The following VPS50 variants were observed in gnomAD, a reference collection of about 807,000 sequenced individuals.
VPS50 encodes syndetin.
VPS50 carries 70 observed loss-of-function variants against 139.7 expected under a neutral mutation model. The observed-to-expected ratio is 0.50, with a 90% CI of 0.41 to 0.61. VPS50 has a LOEUF of 0.61. VPS50 is among the 20% of genes least tolerant of loss of function. The pLI is 0.00. For missense variants in VPS50, 921 were observed against 1,133.7 expected (o/e 0.81, Z 2.69); for synonymous variants, 365 against 376.7 (o/e 0.97, Z 0.36).
At position 93,256,514 on chromosome 7, in the gene VPS50, TA is replaced by T. The variant is rs746677785; in HGVS notation, c.309del (p.Val104TrpfsTer4). ...KLKQQQAAVS[K>X]KVADLILEKQ... is the part of the protein sequence containing the mutation. ...TTGATTACATCTTCTTATAGGTATCTAAAAAAGTGGCAGATTTAATCCTTGA... is the reference window on the plus strand; with the variant it reads ...TTGATTACATCTTCTTATAGGTATCTAAAAAGTGGCAGATTTAATCCTTGA... On this transcript the variant is annotated frameshift_variant, in exon 5 of 28. Coordinates refer to ENST00000305866, the MANE Select transcript of VPS50 (RefSeq NM_017667.4). LOFTEE classifies it high-confidence loss of function. The T allele has an allele frequency of 3.5e-6, 5 of 1,416,294 alleles. No homozygotes were observed. The highest frequency in any genetic ancestry group is 3.8e-6 in the Non-Finnish European group (4 of 1,051,638). The allele number at this position is 1,416,294 out of a possible 1,614,324, so 87.7% of individuals were successfully genotyped here.
intron 16 of VPS50, among the ~76,000 whole-genome samples, chr7:93,302,147 T>G (rs565495288): frequency 1.7e-4 from 26 of 152,210 alleles, no homozygotes; most frequent in Non-Finnish European, 2.8e-4. Flanking sequence ...TTTCTACTTT[T>G]AGTTCTTACC....
At chr7:93,357,528 G>A (rs1798740999) in intron 27 of VPS50, among the ~76,000 whole-genome samples, 1 of 152,162 alleles carries the variant, frequency 6.6e-6, no homozygotes, top group Admixed American at 6.6e-5. Context: ...CACAAGCTGA[G>A]CAGTTTGCCA....
chr7:93,299,136 C>T (rs1172743852), intron 16 of VPS50, among the ~76,000 whole-genome samples: 1 of 152,140 alleles, frequency 6.6e-6, no homozygotes, highest in African/African-American at 2.4e-5. Flanking sequence ...AGTCTAGTTT[C>T]TATCCTGTCT....
At chr7:93,346,697 C>G (rs1271089759) in intron 23 of VPS50, among the ~76,000 whole-genome samples, 3 of 150,022 alleles carry the variant, frequency 2.0e-5, no homozygotes, top group Non-Finnish European at 4.4e-5. Flanking sequence ...TGATCTTTGA[C>G]AAACCTGAGA....
At chr7:93,315,259 T>C (rs17711196) in intron 20 of VPS50, among the ~76,000 whole-genome samples, 2,398 of 152,314 alleles carry the variant, frequency 0.016, 31 homozygotes, top group Middle Eastern at 0.027. Context: ...TTTTTTCCTA[T>C]TGTATAGATG....
At chr7:93,257,999 G>C (rs1037990042) in intron 6 of VPS50, 160 bp from the exon 7 acceptor site, 1 of 548,206 alleles carries the variant, frequency 1.8e-6, no homozygotes, top group Non-Finnish European at 3.2e-6. Flanking sequence ...AGTAATGCTG[G>C]TTTAGACTGG....
At chr7:93,346,765 T>C (rs1178691331) in intron 23 of VPS50, among the ~76,000 whole-genome samples, 2 of 137,426 alleles carry the variant, frequency 1.5e-5, no homozygotes. Context: ...GAAAACTGGC[T>C]AGCCATATGT....
intron 12 of VPS50, among the ~76,000 whole-genome samples, chr7:93,285,021 C>A (rs1796441836): frequency 6.6e-6 from 1 of 152,178 alleles, no homozygotes; most frequent in Non-Finnish European, 1.5e-5. Flanking sequence ...GTTTTCAACT[C>A]CCTGGGCCTG....
intron 12 of VPS50, among the ~76,000 whole-genome samples, chr7:93,288,523 A>C (rs1369315278): frequency 6.6e-6 from 1 of 152,150 alleles, no homozygotes; most frequent in Non-Finnish European, 1.5e-5. Flanking sequence ...GTTGAAGAAA[A>C]AATACACACG....
At chr7:93,311,631 T>C (rs1797270555) in intron 20 of VPS50, among the ~76,000 whole-genome samples, 1 of 152,160 alleles carries the variant, frequency 6.6e-6, no homozygotes, top group Non-Finnish European at 1.5e-5. Context: ...AGTTGTTTCA[T>C]AGGTCTTTAC....
At chr7:93,249,843 A>G (rs76718914) in intron 2 of VPS50, among the ~76,000 whole-genome samples, 2,029 of 152,114 alleles carry the variant, frequency 0.013, 42 homozygotes, top group African/African-American at 0.047. Context: ...TCATATTTCA[A>G]TTGGATGCAT....
chr7:93,289,023 G>A (rs1796573337), intron 12 of VPS50, among the ~76,000 whole-genome samples: 1 of 151,980 alleles, frequency 6.6e-6, no homozygotes, highest in Non-Finnish European at 1.5e-5. Context: ...GGCCGGCATT[G>A]TAAGGTGGGG....
chr7:93,243,052 C>T (rs901668301), intron 2 of VPS50, among the ~76,000 whole-genome samples: 1 of 151,828 alleles, frequency 6.6e-6, no homozygotes, highest in Admixed American at 6.6e-5. Flanking sequence ...ACTGTATAAA[C>T]CATCTGGTAC....
chr7:93,270,281 A>G (rs1319593828), intron 9 of VPS50, among the ~76,000 whole-genome samples: 1 of 151,924 alleles, frequency 6.6e-6, no homozygotes, highest in Non-Finnish European at 1.5e-5. Context: ...GACACCCCAC[A>G]AACTTCTCGC....
chr7:93,252,919 G>A (rs1183149173), intron 3 of VPS50, 144 bp downstream of exon 3: 11 of 593,932 alleles, frequency 1.9e-5, no homozygotes, highest in African/African-American at 1.7e-4. Flanking sequence ...TAAATCAACT[G>A]TCAGCATTGT....
intron 2 of VPS50, chr7:93,246,237 C>G: frequency 2.8e-6 from 2 of 722,132 alleles, no homozygotes; most frequent in South Asian, 3.2e-5. Flanking sequence ...TTTGCTGTGG[C>G]AAACCGCAAA....
chr7:93,263,868 C>G (rs1436632892), intron 9 of VPS50, among the ~76,000 whole-genome samples: 1 of 151,776 alleles, frequency 6.6e-6, no homozygotes, highest in Admixed American at 6.6e-5. Context: ...ACAAAAATAA[C>G]AATACAACAC....
intron 22 of VPS50, among the ~76,000 whole-genome samples, chr7:93,339,591 T>C (rs1340263024): frequency 1.3e-5 from 2 of 152,200 alleles, no homozygotes; most frequent in Non-Finnish European, 2.9e-5. Flanking sequence ...TTTTTAAAGC[T>C]ATTTTATTTG....
chr7:93,240,134 G>A (rs1288548532), intron 2 of VPS50, among the ~76,000 whole-genome samples, 200 bp downstream of exon 2: 1 of 151,212 alleles, frequency 6.6e-6, no homozygotes, highest in Non-Finnish European at 1.5e-5. Context: ...ATGCATTATA[G>A]CAAAGCAAAA....
Sources: gnomAD v4.1 joint callset for allele counts (sites outside exome capture counted in the v4.1 genomes callset) on GRCh38, gnomAD v4.1.1 for gene constraint, MANE v1.5 for transcripts, NCBI Gene and HGNC (gene_info 2026-07-23, HGNC 2026-07-21) for gene names.